Variants in NYAP2 observed in about 807,000 individuals in gnomAD.
NYAP2 encodes the protein neuronal tyrosine-phosphorylated phosphoinositide-3-kinase adaptor 2, also known as neuronal tyrosine-phosphorylated phosphoinositide-3-kinase adapter 2.
A neutral mutation model predicts 50.4 loss-of-function variants in NYAP2; 23 were observed. That is an observed-to-expected ratio of 0.46 (90% confidence interval 0.33 to 0.65). The LOEUF (loss-of-function observed/expected upper bound fraction) is 0.65. NYAP2 is among the 30% of genes least tolerant of loss of function. NYAP2 has a pLI of 0.02. For synonymous variants in NYAP2, 394 were observed against 365.2 expected, an observed-to-expected ratio of 1.08 and a Z score of -0.90; for missense variants, 885 against 861.0, an observed-to-expected ratio of 1.03 and a Z score of -0.35.
Position 225,459,894 on chromosome 2 carries a change from C to T in NYAP2, c.221+50793C>T, listed in dbSNP as rs150473185. Among the ~76,000 whole-genome samples the T allele has an allele frequency of 2.4e-3, 363 of 152,138 alleles. 2 individuals are homozygous for T. The highest frequency in any genetic ancestry group is 8.2e-3 in the African/African-American group (341 of 41,490). The stretch of plus-strand genomic sequence containing the variant: ...TTCACCGTGTTAGCCCGGATGGTCT[C>T]GATCTCCTGACCTGTGATCTGCCCA... On this transcript the variant is annotated intron_variant, in intron 3 of 6. Coordinates refer to ENST00000636099, the Ensembl canonical transcript of NYAP2.
chr2:225,525,268 G>A (rs941752685), intron 4 of NYAP2, among the ~76,000 whole-genome samples: 1 of 152,026 alleles, frequency 6.6e-6, no homozygotes, highest in African/African-American at 2.4e-5. Flanking sequence ...TTCATCAAAT[G>A]TTTTCTTTTG....
At chr2:225,614,313 T>A (rs1420838938) in intron 5 of NYAP2, among the ~76,000 whole-genome samples, 3 of 152,222 alleles carry the variant, frequency 2.0e-5, no homozygotes, top group African/African-American at 4.8e-5. Flanking sequence ...AATCATTTTT[T>A]AAACTATTTC....
the NYAP2 span, among the ~76,000 whole-genome samples, chr2:225,679,823 G>T: frequency 6.6e-6 from 1 of 151,790 alleles, no homozygotes. Flanking sequence ...TTTTATTTTT[G>T]ACTTTTATCT....
chr2:225,668,956 C>CCTTT, the NYAP2 span, among the ~76,000 whole-genome samples: 1 of 69,524 alleles, frequency 1.4e-5, no homozygotes, highest in Non-Finnish European at 2.5e-5. Context: ...GTGTCCCCTG[C>CCTTT]TTTTTTTTTT....
intron 2 of NYAP2, among the ~76,000 whole-genome samples, chr2:225,407,349 C>T (rs915916487): frequency 2.2e-4 from 33 of 152,076 alleles, no homozygotes; most frequent in Non-Finnish European, 4.4e-4. Context: ...TTTGCTAACC[C>T]ATTACAGCTT....
chr2:225,578,426 A>T (rs1236110378), intron 4 of NYAP2, among the ~76,000 whole-genome samples: 1 of 152,176 alleles, frequency 6.6e-6, no homozygotes, highest in East Asian at 1.9e-4. Flanking sequence ...TGTGGGCTGA[A>T]CAAGCAGAGC....
chr2:225,601,209 C>T (rs1011201958), intron 5 of NYAP2, among the ~76,000 whole-genome samples: 8 of 151,720 alleles, frequency 5.3e-5, no homozygotes, highest in Admixed American at 3.3e-4. Flanking sequence ...CAACCTCTAC[C>T]TCCTGGGTTC....
chr2:225,596,325 G>A (rs115008880), intron 5 of NYAP2, among the ~76,000 whole-genome samples: 1,618 of 152,284 alleles, frequency 0.011, 30 homozygotes, highest in Middle Eastern at 0.037. Flanking sequence ...ACATATGACT[G>A]ACAGTGTTGT....
intron 4 of NYAP2, among the ~76,000 whole-genome samples, chr2:225,529,686 C>G (rs1005936006): frequency 1.3e-5 from 2 of 150,682 alleles, no homozygotes; most frequent in African/African-American, 4.9e-5. Context: ...CTCGTCTTTC[C>G]AACTCAGTGT....
At chr2:225,644,168 G>C (rs1290430330) in intron 6 of NYAP2, among the ~76,000 whole-genome samples, 3 of 152,086 alleles carry the variant, frequency 2.0e-5, no homozygotes, top group Non-Finnish European at 4.4e-5. Flanking sequence ...TCATTGTTTT[G>C]ATTTGCATTT....
intron 4 of NYAP2, among the ~76,000 whole-genome samples, chr2:225,554,788 T>C (rs1305388976): frequency 6.6e-6 from 1 of 152,156 alleles, no homozygotes; most frequent in Non-Finnish European, 1.5e-5. Context: ...TTTTGCTAAA[T>C]AAGTAGCTTA....
chr2:225,493,748 G>T (rs996601810), intron 3 of NYAP2, among the ~76,000 whole-genome samples: 1 of 152,158 alleles, frequency 6.6e-6, no homozygotes, highest in Non-Finnish European at 1.5e-5. Context: ...GTTTAACAGT[G>T]ACCTTTATAG....
chr2:225,486,093 C>G (rs1189335923), intron 3 of NYAP2, among the ~76,000 whole-genome samples: 1 of 152,210 alleles, frequency 6.6e-6, no homozygotes, highest in African/African-American at 2.4e-5. Context: ...TTCTCCTTAT[C>G]ATGAGGCCAC....
chr2:225,664,590 C>T, the NYAP2 span, among the ~76,000 whole-genome samples: 3 of 151,978 alleles, frequency 2.0e-5, no homozygotes, highest in Non-Finnish European at 4.4e-5. Flanking sequence ...GAAATGCGGC[C>T]GGGCACGGTG....
intron 5 of NYAP2, among the ~76,000 whole-genome samples, chr2:225,606,843 T>TAAC (rs1215611041): frequency 6.6e-6 from 1 of 152,134 alleles, no homozygotes; most frequent in Non-Finnish European, 1.5e-5. Flanking sequence ...ATTCTGTATA[T>TAAC]AACATTGTTG....
chr2:225,601,182 G>A lies in NYAP2; in HGVS notation c.1618+18147G>A, dbSNP rs528114219. On this transcript the variant is annotated intron_variant, in intron 5 of 6. Transcript: ENST00000636099. ...TGTCCCCAGGCTGGAGAGCAGTGAC[G>A]CGATCTTGGCTCACTGCAACCTCTA... Among the ~76,000 whole-genome samples, 4 of 149,822 alleles carry A rather than the reference G, an allele frequency of 2.7e-5. No homozygotes were observed. In the East Asian group the frequency reaches 5.9e-4, roughly 22 times the overall value.
intron 6 of NYAP2, among the ~76,000 whole-genome samples, chr2:225,645,813 C>T (rs1693626667): frequency 6.6e-6 from 1 of 152,202 alleles, no homozygotes; most frequent in Non-Finnish European, 1.5e-5. Context: ...TGTCCAGTGT[C>T]ATGACTCCTC....
intron 3 of NYAP2, among the ~76,000 whole-genome samples, chr2:225,506,063 A>G (rs6436561): frequency 0.31 from 47,504 of 151,544 alleles, 7,530 homozygotes; most frequent in South Asian, 0.48. Flanking sequence ...GAGAGAGAAA[A>G]AAAAAAGATT....
chr2:225,661,750 G>T, the NYAP2 span, among the ~76,000 whole-genome samples: 1 of 147,802 alleles, frequency 6.8e-6, no homozygotes, highest in Non-Finnish European at 1.5e-5. Flanking sequence ...CTGAGGCGGA[G>T]TCTAGCTCTG....
Sources: allele counts gnomAD v4.1 joint callset (sites outside exome capture counted in the v4.1 genomes callset), GRCh38; gene constraint gnomAD v4.1.1; transcripts MANE v1.5; gene names NCBI Gene and HGNC (gene_info 2026-07-23, HGNC 2026-07-21).